Variants in ZNF395 observed in about 807,000 individuals in gnomAD.
ZNF395 encodes HD gene regulatory region-binding protein 2.
A neutral mutation model predicts 57.7 loss-of-function variants in ZNF395; 20 were observed. That is an observed-to-expected ratio of 0.35 (90% CI 0.24 to 0.50). ZNF395 has a LOEUF of 0.50. ZNF395 is among the 20% of genes least tolerant of loss of function. The pLI, the probability that ZNF395 is intolerant of heterozygous loss-of-function variation, is 0.97. For missense variants in ZNF395, 606 were observed against 671.2 expected (o/e 0.90, Z 1.07); for synonymous variants, 295 against 275.9 (o/e 1.07, Z -0.69).
At chr8:28,366,026 C>T (rs2129969986) in intron 1 of ZNF395, among the ~76,000 whole-genome samples, 1 of 152,326 alleles carries the variant, frequency 6.6e-6, no homozygotes, top group South Asian at 2.1e-4. Context: ...CTGCAGCGAG[C>T]TATGATATCA....
At chr8:28,385,572 C>T (rs1247053516) in intron 1 of ZNF395, among the ~76,000 whole-genome samples, 2 of 150,158 alleles carry the variant, frequency 1.3e-5, no homozygotes, top group East Asian at 3.9e-4. Context: ...CTGTCCCGCC[C>T]GTCCCGCAGC....
chr8:28,362,051 C>T (rs1801856318), intron 1 of ZNF395, among the ~76,000 whole-genome samples: 1 of 150,148 alleles, frequency 6.7e-6, no homozygotes, highest in Non-Finnish European at 1.5e-5. Flanking sequence ...AAAATCACAC[C>T]ACTGCACTCC....
At position 28,348,512 on chromosome 8, in the gene ZNF395, A is replaced by T; in HGVS notation, c.*207T>A. ...TTTGGCTCTCTCCTATTTTAGGGGGAAAAATATTTTTGTTTCTTTTTTTTA... is the reference window on the plus strand; with the variant it reads ...TTTGGCTCTCTCCTATTTTAGGGGGTAAAATATTTTTGTTTCTTTTTTTTA... On this transcript the variant is annotated 3_prime_UTR_variant, in exon 10 of 10. Coordinates refer to ENST00000344423, the MANE Select transcript of ZNF395 (RefSeq NM_018660.3). 1 of 549,934 alleles carries T rather than the reference A, an allele frequency of 1.8e-6. No individual in the cohort carries two copies. Among genetic ancestry groups the T allele is most frequent in the East Asian group, 3.3e-5 (1 of 30,576 alleles). 34.1% of individuals were successfully genotyped at this position (549,934 alleles called of 1,614,324 possible).
Position 28,359,736 on chromosome 8 carries a change from T to A in ZNF395, c.329A>T (p.Glu110Val). The change falls in exon 3 of 10, where the codon GAG becomes GTG. Residue 110 changes from glutamate (E) to valine (V), a missense_variant. By Grantham distance (121) the Glu-to-Val change is moderately radical. This residue lies in a region of ZNF395 where 309 missense variants were observed against 374.7 expected (regional missense o/e 0.82). Transcript: ENST00000344423. This position sits in a 1 kb window ranked among gnomAD's most constrained non-coding sequence, Gnocchi z 4.7. ...MEGQVTVWLL[E>V]QKLQVCCRVE... ...CCTGCAGCAGACCTGCAGCTTCTGC[T>A]CCAGCAGCCAGACGGTCACCTGACC... 1 of 1,614,004 alleles carries A rather than the reference T, an allele frequency of 6.2e-7. No individual in the cohort carries two copies.
At chr8:28,385,977 G>A (rs999934111) in intron 1 of ZNF395, 72 of 146,562 alleles carry the variant, frequency 4.9e-4, no homozygotes, top group African/African-American at 1.8e-3. Context: ...CCCGGCTGCC[G>A]CGCCGCTAGG....
At chr8:28,378,616 A>G (rs1283688735) in intron 1 of ZNF395, among the ~76,000 whole-genome samples, 1 of 152,226 alleles carries the variant, frequency 6.6e-6, no homozygotes, top group African/African-American at 2.4e-5. Flanking sequence ...GGACCTATTT[A>G]TAAACATTTT....
rs907577560 is a variant in ZNF395 at position 28,358,898 on chromosome 8, G to A, written c.473+694C>T. On this transcript the variant is annotated intron_variant, in intron 3 of 9. Transcript: ENST00000344423. Reference sequence around the variant, plus strand: ...GACACCACAGCAGAGCTGAGCAGTGGGGACAGAGACTGTGTAGTCCATCAA... The same window carrying A: ...GACACCACAGCAGAGCTGAGCAGTGAGGACAGAGACTGTGTAGTCCATCAA... Among the ~76,000 whole-genome samples the A allele has an allele frequency of 2.5e-4, 38 of 152,170 alleles. 1 individual carries two copies. Among genetic ancestry groups the A allele is most frequent in the Non-Finnish European group, 2.9e-4 (20 of 68,032 alleles).
Position 28,352,787 on chromosome 8 carries a change from C to A in ZNF395, c.820-114G>T. Reference sequence around the variant, plus strand: ...GTCCCCGGCCTGACCCAACAAAAACCTCCAGGAAAGGGGTTCTCTGGGACC... The same window carrying A: ...GTCCCCGGCCTGACCCAACAAAAACATCCAGGAAAGGGGTTCTCTGGGACC... On this transcript the variant is annotated intron_variant, in intron 5 of 9. Transcript: ENST00000344423. The surrounding 1 kb of genome is among the most constrained non-coding windows in gnomAD (Gnocchi z 4.0). The A allele has an allele frequency of 1.2e-6, 1 of 863,712 alleles. No individual in the cohort carries two copies. Among genetic ancestry groups the A allele is most frequent in the South Asian group, 1.6e-5 (1 of 61,754 alleles). The allele number at this position is 863,712 out of a possible 1,614,324, so 53.5% of individuals were successfully genotyped here.
At chr8:28,367,068 T>C (rs1490280163) in intron 1 of ZNF395, among the ~76,000 whole-genome samples, 1 of 152,178 alleles carries the variant, frequency 6.6e-6, no homozygotes, top group East Asian at 1.9e-4. Context: ...TGGTGATTGA[T>C]TCAAGTTCTC....
intron 1 of ZNF395, among the ~76,000 whole-genome samples, chr8:28,365,855 G>A (rs953136913): frequency 1.1e-4 from 16 of 152,218 alleles, no homozygotes; most frequent in African/African-American, 3.6e-4. Context: ...AGGCAGAACA[G>A]TAAAACAAAC....
chr8:28,351,501 T>A lies in ZNF395; in HGVS notation c.1227A>T (p.Ala409=), dbSNP rs761690990. ...GSFWHIQADH[A]YQALPSFQIP... is the part of the protein sequence containing the mutation. ...AGCGAGCCCCGCCCCATACCTGGTA[T>A]GCATGATCTGCCTGAATGTGCCAGA... Residue 409 remains alanine, a synonymous_variant, in exon 7 of 10, where the codon GCA becomes GCT. Transcript: ENST00000344423. 2.5e-6 allele frequency: 4 copies of A among 1,602,012 alleles called. No individual in the cohort carries two copies. The highest frequency in any genetic ancestry group is 3.4e-6 in the Non-Finnish European group (4 of 1,171,090).
rs1362630025 is a variant in ZNF395, at chr8:28,349,223, C to T, written c.1332G>A (p.Arg444=). The T allele has an allele frequency of 6.5e-7, 1 of 1,542,844 alleles. No homozygotes were observed. Among genetic ancestry groups the T allele is most frequent in the South Asian group, 1.2e-5 (1 of 80,120 alleles). ...PSAACSLSPV[R]SRSLSFSEPQ... is the part of the protein sequence containing the mutation. ...GCTCGCTGAAGCTTAGCGACCGGCT[C>T]CGGACCTGGGCGTGGGGAGAGGGGC... Residue 444 remains arginine, a synonymous_variant, in exon 9 of 10, where the codon CGG becomes CGA. Transcript: ENST00000344423.
chr8:28,356,277 GGGCATGAATTTTCTGA>G lies in ZNF395; in HGVS notation c.583+377_583+392del, dbSNP rs1448426913. 6.6e-6 allele frequency among the ~76,000 whole-genome samples: 1 copy of G among 152,206 alleles called. No individual in the cohort carries two copies. Among genetic ancestry groups the G allele is most frequent in the Non-Finnish European group, 1.5e-5 (1 of 68,030 alleles). On this transcript the variant is annotated intron_variant, in intron 4 of 9. Coordinates refer to ENST00000344423, the MANE Select transcript of ZNF395 (RefSeq NM_018660.3). This position sits in a 1 kb window ranked among gnomAD's most constrained non-coding sequence, Gnocchi z 4.0. ...AGGCTGAATTAGGCACGTGGAATGA[GGGCATGAATTTTCTGA>G]GGCCACTAGGAGACCATTTAGCATA...
chr8:28,348,436 G>A lies in ZNF395; in HGVS notation c.*283C>T, dbSNP rs1021052575. ...AGAGAGTGGGGATGTGGGAAACGGAGGGTAATTAATTCTTTGGTCACTGGT... is the reference window on the plus strand; with the variant it reads ...AGAGAGTGGGGATGTGGGAAACGGAAGGTAATTAATTCTTTGGTCACTGGT... On this transcript the variant is annotated 3_prime_UTR_variant, in exon 10 of 10. Coordinates refer to ENST00000344423, the MANE Select transcript of ZNF395 (RefSeq NM_018660.3). 6 of 407,134 alleles carry A rather than the reference G, an allele frequency of 1.5e-5. No individual in the cohort carries two copies. In the Admixed American group the frequency reaches 2.3e-4, roughly 15 times the overall value. The allele number at this position is 407,134 out of a possible 1,614,324, so 25.2% of individuals were successfully genotyped here.
At position 28,346,576 on chromosome 8, in the gene ZNF395, T is replaced by C. The variant is rs1285430487; in HGVS notation, c.*2143A>G. The C allele has an allele frequency of 1.3e-5, 2 of 152,218 alleles. No homozygotes were observed. The highest frequency in any genetic ancestry group is 4.8e-5 in the African/African-American group (2 of 41,400). The allele number at this position is 152,218 out of a possible 1,614,324, so 9.4% of individuals were successfully genotyped here. On this transcript the variant is annotated 3_prime_UTR_variant, in exon 10 of 10. Transcript: ENST00000344423. ...TTATTCCTCTCTTTCCTGCCCTGTA[T>C]ACCAACGGCATAAGAAGCCTGCACA... is the stretch of plus-strand genomic sequence containing the variant.
At chr8:28,360,173 C>G (rs181623114) in intron 2 of ZNF395, among the ~76,000 whole-genome samples, 1 of 152,352 alleles carries the variant, frequency 6.6e-6, no homozygotes, top group East Asian at 1.9e-4. Flanking sequence ...CTCTGAATTG[C>G]TCATTATCCT....
chr8:28,381,020 T>C (rs1802102649), intron 1 of ZNF395, among the ~76,000 whole-genome samples: 1 of 62,740 alleles, frequency 1.6e-5, no homozygotes. Context: ...TGCTAGTGTG[T>C]GTGTGTGTGT....
chr8:28,381,389 C>A (rs534691824), intron 1 of ZNF395, among the ~76,000 whole-genome samples: 24 of 152,184 alleles, frequency 1.6e-4, no homozygotes, highest in Non-Finnish European at 2.8e-4. Flanking sequence ...AACCATGTTG[C>A]CCAGGCTGGT....
chr8:28,383,673 T>TCAGGC (rs760037776), intron 1 of ZNF395, among the ~76,000 whole-genome samples: 9 of 152,066 alleles, frequency 5.9e-5, no homozygotes, highest in Non-Finnish European at 1.2e-4. Context: ...GCCCCTCGGT[T>TCAGGC]CAGGCCTTGA....
Sources: allele counts gnomAD v4.1 joint callset (sites outside exome capture counted in the v4.1 genomes callset), GRCh38; gene constraint gnomAD v4.1.1; regional missense constraint gnomAD v4.1.1; non-coding constraint Gnocchi (gnomAD v3.1); transcripts MANE v1.5; gene names NCBI Gene and HGNC (gene_info 2026-07-23, HGNC 2026-07-21).